Variants in CPAMD8 observed in about 807,000 individuals in gnomAD.
The protein encoded by CPAMD8 is C3 and PZP like alpha-2-macroglobulin domain containing 8.
CPAMD8 carries 146 observed loss-of-function variants against 224.7 expected under a neutral mutation model. That is an observed-to-expected ratio of 0.65 (90% CI 0.57 to 0.75). CPAMD8 has a LOEUF of 0.75. Ranked by LOEUF, CPAMD8 falls within the 30% of genes least tolerant of loss-of-function variation. The probability of loss-of-function intolerance (pLI) is 0.00; values close to 1 mark genes in which losing one functional copy is unlikely to be tolerated. For missense variants in CPAMD8, 2,301 were observed against 2,537.5 expected, an observed-to-expected ratio of 0.91 and a Z score of 2.00; for synonymous variants, 966 against 1,044.6, an observed-to-expected ratio of 0.92 and a Z score of 1.45.
Position 16,989,628 on chromosome 19 carries a change from T to A in CPAMD8, c.1395+15A>T, listed in dbSNP as rs4447554. The A allele has an allele frequency of 0.47, 754,072 of 1,610,570 alleles. 181,608 individuals carry two copies. The highest frequency in any genetic ancestry group is 0.75 in the African/African-American group (55,858 of 74,854). On this transcript the variant is annotated intron_variant, in intron 13 of 41. Transcript: ENST00000443236. ...TCCCGCATGGCCCAGGAAGGGTAGC[T>A]CCTGAAAATCTTACCTGCAGTGGGT... is the stretch of plus-strand genomic sequence containing the variant.
intron 17 of CPAMD8, among the ~76,000 whole-genome samples, chr19:16,971,327 A>G (rs1242069766): frequency 6.6e-6 from 1 of 152,056 alleles, no homozygotes; most frequent in Non-Finnish European, 1.5e-5. Context: ...CAGCCTCCCT[A>G]GTAGCTGGGA....
chr19:16,895,903 G>A (rs937899012), intron 41 of CPAMD8: 86 of 524,730 alleles, frequency 1.6e-4, no homozygotes, highest in African/African-American at 1.3e-3. Flanking sequence ...GCGCGCGCAC[G>A]CACACACACA....
chr19:16,961,222 C>T (rs2054642912), intron 18 of CPAMD8, among the ~76,000 whole-genome samples: 1 of 152,142 alleles, frequency 6.6e-6, no homozygotes, highest in South Asian at 2.1e-4. Flanking sequence ...TCGCCTTACC[C>T]GGGAAGCACA....
chr19:16,894,338 ACC>A, intron 41 of CPAMD8: 2 of 445,892 alleles, frequency 4.5e-6, no homozygotes, highest in Non-Finnish European at 9.2e-6. Flanking sequence ...AGGTCTGCCC[ACC>A]CACCATACAG....
intron 25 of CPAMD8, among the ~76,000 whole-genome samples, chr19:16,925,589 GCTTT>G (rs1181691904): frequency 1.3e-5 from 2 of 152,060 alleles, no homozygotes; most frequent in Admixed American, 6.6e-5. Context: ...TTTAACTCAG[GCTTT>G]CTTTCTCTAG....
rs765810766 is a variant in CPAMD8 at position 16,946,547 on chromosome 19, G to T, written c.2662+527C>A. 5.5e-4 allele frequency among the ~76,000 whole-genome samples: 83 copies of T among 150,766 alleles called. 1 individual carries two copies. The highest frequency in any genetic ancestry group is 8.7e-4 in the Non-Finnish European group (59 of 67,770). ...TGTGTGTGAATGCATGTCTACACAT[G>T]TGGGCGTGTGTGTGGATTTGTGTGT... is the stretch of plus-strand genomic sequence containing the variant. On this transcript the variant is annotated intron_variant, in intron 21 of 41. Transcript: ENST00000443236.
Position 17,024,926 on chromosome 19 carries a change from G to A in CPAMD8, c.92+1625C>T, listed in dbSNP as rs551109431. 2.6e-5 allele frequency among the ~76,000 whole-genome samples: 4 copies of A among 152,350 alleles called. No individual in the cohort carries two copies. In the South Asian group the frequency reaches 8.3e-4, roughly 32 times the overall value. ...AGTGGGCATCCAGAGCTATTCCTAAGACGAGATCCTTTGGGCTGGGTGAAC... is the reference window on the plus strand; with the variant it reads ...AGTGGGCATCCAGAGCTATTCCTAAAACGAGATCCTTTGGGCTGGGTGAAC... On this transcript the variant is annotated intron_variant, in intron 1 of 41. Transcript: ENST00000443236.
At chr19:17,015,156 C>T (rs1212893099) in intron 3 of CPAMD8, among the ~76,000 whole-genome samples, 2 of 152,164 alleles carry the variant, frequency 1.3e-5, no homozygotes, top group Non-Finnish European at 2.9e-5. Flanking sequence ...GCAGCAGAAT[C>T]GCTTGAACCC....
chr19:16,952,407 G>A (rs572459155), intron 19 of CPAMD8, among the ~76,000 whole-genome samples: 2 of 152,340 alleles, frequency 1.3e-5, no homozygotes, highest in African/African-American at 4.8e-5. Context: ...GCTGGGCGCA[G>A]TGGCTCATGC....
intron 3 of CPAMD8, among the ~76,000 whole-genome samples, chr19:17,017,413 C>T (rs570193747): frequency 7.3e-4 from 111 of 152,242 alleles, no homozygotes; most frequent in Admixed American, 7.2e-4. Context: ...CTCCCTGGTC[C>T]GTGGAAAAAA....
At chr19:16,958,135 T>C (rs2054533981) in intron 18 of CPAMD8, among the ~76,000 whole-genome samples, 1 of 152,210 alleles carries the variant, frequency 6.6e-6, no homozygotes, top group African/African-American at 2.4e-5. Flanking sequence ...TTTAAAAACT[T>C]TATTTTAGGT....
At chr19:16,992,932 TA>T (rs556711287) in intron 12 of CPAMD8, among the ~76,000 whole-genome samples, 3,494 of 141,216 alleles carry the variant, frequency 0.025, 83 homozygotes, top group African/African-American at 0.07. Context: ...CCCTGTCTCT[TA>T]AAAAAAAAAA....
chr19:16,927,993 T>C lies in CPAMD8; in HGVS notation c.3370+16A>G, dbSNP rs781094338. 9.4e-6 allele frequency: 15 copies of C among 1,587,404 alleles called. No individual in the cohort carries two copies. Among genetic ancestry groups the C allele is most frequent in the Middle Eastern group, 3.3e-4 (2 of 5,982 alleles). On this transcript the variant is annotated intron_variant, in intron 25 of 41. Coordinates refer to ENST00000443236, the MANE Select transcript of CPAMD8 (RefSeq NM_015692.5). ...GCCCCCTGACCTCTCCAAGCCAGGC[T>C]GTGGGACAGACGCACCGATGATGGA...
At chr19:16,974,778 G>A (rs540847325) in intron 17 of CPAMD8, among the ~76,000 whole-genome samples, 1 of 152,070 alleles carries the variant, frequency 6.6e-6, no homozygotes, top group South Asian at 2.1e-4. Flanking sequence ...ACTAGCCAGG[G>A]CCACGTAGCA....
At chr19:16,929,876 G>C (rs1166168658) in intron 23 of CPAMD8, among the ~76,000 whole-genome samples, 1 of 152,128 alleles carries the variant, frequency 6.6e-6, no homozygotes, top group Non-Finnish European at 1.5e-5. Context: ...TTCCCCAGAT[G>C]GTTCTACAGA....
chr19:16,950,704 G>A (rs1441183467), intron 20 of CPAMD8, among the ~76,000 whole-genome samples: 1 of 148,572 alleles, frequency 6.7e-6, no homozygotes, highest in South Asian at 2.2e-4. Context: ...GAGGAGGGGG[G>A]ATTGCTTGAG....
chr19:16,926,437 C>A (rs2053363175), intron 25 of CPAMD8, among the ~76,000 whole-genome samples: 1 of 152,194 alleles, frequency 6.6e-6, no homozygotes, highest in African/African-American at 2.4e-5. Flanking sequence ...CCTGCCTCAG[C>A]CTCCCAAGTA....
intron 9 of CPAMD8, 81 bp downstream of exon 9, chr19:17,002,185 G>T: frequency 3.2e-6 from 3 of 934,714 alleles, no homozygotes; most frequent in Non-Finnish European, 1.7e-6. Flanking sequence ...CAGAGGAGGG[G>T]AACGACCTTG....
rs57280906 is a variant in CPAMD8 at position 16,895,903 on chromosome 19, GCACACA to G, written c.5426+267_5426+272del. On this transcript the variant is annotated intron_variant, in intron 41 of 41. Transcript: ENST00000443236. ...CCCGTATGCGCGCGCGCGCGCGCAC[GCACACA>G]CACACACACACACACACACGCGCGC... The G allele has an allele frequency of 4.6e-3, 2,395 of 524,790 alleles. 49 individuals carry two copies. Among genetic ancestry groups the G allele is most frequent in the African/African-American group, 0.039 (1,955 of 49,980 alleles). 32.5% of individuals were successfully genotyped at this position (524,790 alleles called of 1,614,324 possible).
Sources: allele counts gnomAD v4.1 joint callset (sites outside exome capture counted in the v4.1 genomes callset), GRCh38; gene constraint gnomAD v4.1.1; transcripts MANE v1.5; gene names NCBI Gene and HGNC (gene_info 2026-07-23, HGNC 2026-07-21).